ASH1L: variants seen among roughly 807,000 people sequenced by gnomAD.
ASH1L encodes ASH1 like histone lysine methyltransferase.
ASH1L carries 23 observed loss-of-function variants against 269.0 expected under a neutral mutation model. The observed-to-expected ratio is 0.09, with a 90% CI of 0.06 to 0.12. ASH1L has a LOEUF of 0.12. Among genes scored for constraint, ASH1L ranks in the 10% least tolerant of loss-of-function variants. ASH1L has a pLI of 1.00. For synonymous variants in ASH1L, 1,187 were observed against 1,253.5 expected, an observed-to-expected ratio of 0.95 and a Z score of 1.12; for missense variants, 2,912 against 3,567.8, an observed-to-expected ratio of 0.82 and a Z score of 4.68.
At chr1:155,402,633 A>T (rs1658946698) in intron 6 of ASH1L, among the ~76,000 whole-genome samples, 1 of 152,090 alleles carries the variant, frequency 6.6e-6, no homozygotes, top group Non-Finnish European at 1.5e-5. Context: ...TGCAGCCTTG[A>T]ACTCCTAAGG....
At chr1:155,519,599 A>T (rs1277695688) in intron 2 of ASH1L, among the ~76,000 whole-genome samples, 3 of 152,228 alleles carry the variant, frequency 2.0e-5, no homozygotes, top group African/African-American at 7.2e-5. Context: ...CAAATATTGT[A>T]TGATTACACC....
chr1:155,340,461 G>A (rs1474949423), intron 25 of ASH1L, among the ~76,000 whole-genome samples: 4 of 152,136 alleles, frequency 2.6e-5, no homozygotes, highest in African/African-American at 9.7e-5. Context: ...GATTACAGGT[G>A]TGAGCCACCG....
intron 1 of ASH1L, among the ~76,000 whole-genome samples, chr1:155,555,453 C>T (rs1007498092): frequency 3.5e-5 from 5 of 144,866 alleles, no homozygotes; most frequent in Non-Finnish European, 6.0e-5. Context: ...GCCGAGATTG[C>T]GCCACTGCAC....
intron 1 of ASH1L, among the ~76,000 whole-genome samples, chr1:155,551,133 ACT>A (rs1327881111): frequency 1.3e-5 from 2 of 150,780 alleles, no homozygotes; most frequent in African/African-American, 2.4e-5. Flanking sequence ...TATTTATTTG[ACT>A]CTTTTTTTGT....
At chr1:155,353,304 G>A (rs1469112355) in intron 16 of ASH1L, among the ~76,000 whole-genome samples, 1 of 152,214 alleles carries the variant, frequency 6.6e-6, no homozygotes, top group Non-Finnish European at 1.5e-5. Flanking sequence ...TGCCTGACAT[G>A]TAAGCACTCT....
chr1:155,410,454 C>T (rs767987417), intron 6 of ASH1L, among the ~76,000 whole-genome samples: 7 of 152,104 alleles, frequency 4.6e-5, no homozygotes, highest in Non-Finnish European at 1.0e-4. Context: ...CAGGTGCCTG[C>T]CACTGCGCCC....
chr1:155,400,033 T>G (rs1658697629), intron 6 of ASH1L, among the ~76,000 whole-genome samples: 1 of 152,186 alleles, frequency 6.6e-6, no homozygotes, highest in South Asian at 2.1e-4. Context: ...CAAAGGAATC[T>G]GGGTAGGGAA....
chr1:155,422,062 T>C (rs1367027868), intron 5 of ASH1L, among the ~76,000 whole-genome samples: 1 of 152,186 alleles, frequency 6.6e-6, no homozygotes. Context: ...ACTTTCCGCC[T>C]GTATGAATTT....
rs16836870 is a variant in ASH1L, at chr1:155,542,580, A to G, written c.-100+19573T>C. Among the ~76,000 whole-genome samples the G allele has an allele frequency of 7.2e-3, 1,101 of 151,966 alleles. 15 individuals are homozygous for G. Among genetic ancestry groups the G allele is most frequent in the African/African-American group, 0.025 (1,048 of 41,436 alleles). On this transcript the variant is annotated intron_variant, in intron 1 of 27. Transcript: ENST00000392403. ...ATAAATAAATAATTACATTTTGGCG[A>G]TGATTACAGCCTGTCAACTGAAGGC...
intron 5 of ASH1L, among the ~76,000 whole-genome samples, chr1:155,428,158 T>A (rs1476662762): frequency 5.3e-5 from 8 of 152,082 alleles, no homozygotes; most frequent in African/African-American, 1.7e-4. Flanking sequence ...ATGCCTTAAG[T>A]CTGGGTGCAG....
At chr1:155,516,746 A>G (rs976902065) in intron 2 of ASH1L, among the ~76,000 whole-genome samples, 1 of 152,150 alleles carries the variant, frequency 6.6e-6, no homozygotes, top group African/African-American at 2.4e-5. Flanking sequence ...CATGGGCAGC[A>G]AGACCCTGTC....
At chr1:155,346,678 C>A (rs984007711) in intron 20 of ASH1L, among the ~76,000 whole-genome samples, 1 of 152,186 alleles carries the variant, frequency 6.6e-6, no homozygotes, top group Non-Finnish European at 1.5e-5. Flanking sequence ...CCGATTGACT[C>A]ATAATCTATA....
intron 5 of ASH1L, among the ~76,000 whole-genome samples, chr1:155,437,909 C>T (rs1343180215): frequency 6.6e-6 from 1 of 152,214 alleles, no homozygotes; most frequent in Non-Finnish European, 1.5e-5. Context: ...GGTTGGAGTG[C>T]AGCGGTGCAA....
intron 1 of ASH1L, among the ~76,000 whole-genome samples, chr1:155,550,219 C>G (rs1251696896): frequency 6.6e-6 from 1 of 152,106 alleles, no homozygotes; most frequent in African/African-American, 2.4e-5. Flanking sequence ...GGGGTTTCAC[C>G]ATGTTGGTCA....
rs187257816 is a variant in ASH1L at position 155,444,007 on chromosome 1, G to A, written c.5087-4939C>T. ...TTTTTTTTTTTTTTTTTTTTGCGAC[G>A]GAGTCTCGCTCTGTCACTCAGGCTG... is the stretch of plus-strand genomic sequence containing the variant. On this transcript the variant is annotated intron_variant, in intron 4 of 27. Coordinates refer to ENST00000392403, the MANE Select transcript of ASH1L (RefSeq NM_018489.3). Among the ~76,000 whole-genome samples, 662 of 126,996 alleles carry A rather than the reference G, an allele frequency of 5.2e-3. 7 individuals are homozygous for A. The highest frequency in any genetic ancestry group is 0.021 in the African/African-American group (649 of 30,692). 83.3% of individuals were successfully genotyped at this position (126,996 alleles called of 152,430 possible). A position where few individuals can be genotyped will look rare whatever the true frequency, so the allele number is the denominator to read the frequency against.
chr1:155,363,203 G>A (rs11264365), intron 12 of ASH1L, among the ~76,000 whole-genome samples: 39,594 of 151,802 alleles, frequency 0.26, 5,928 homozygotes, highest in East Asian at 0.72. Context: ...GGCTGGTCTC[G>A]AACTCCTGAC....
intron 6 of ASH1L, among the ~76,000 whole-genome samples, chr1:155,400,158 T>C (rs1484363607): frequency 6.6e-6 from 1 of 151,890 alleles, no homozygotes; most frequent in African/African-American, 2.4e-5. Context: ...CCATCCTGGC[T>C]AACACGGTGA....
At chr1:155,503,761 A>G (rs1667650451) in intron 2 of ASH1L, among the ~76,000 whole-genome samples, 1 of 152,060 alleles carries the variant, frequency 6.6e-6, no homozygotes, top group Non-Finnish European at 1.5e-5. Context: ...TCATCTCTCT[A>G]TCACCTAGGC....
chr1:155,366,786 G>A (rs1655460235), intron 12 of ASH1L, among the ~76,000 whole-genome samples: 1 of 151,886 alleles, frequency 6.6e-6, no homozygotes, highest in South Asian at 2.1e-4. Flanking sequence ...CAATTCTCCT[G>A]CCCCAGCCTC....
Sources: allele counts gnomAD v4.1 joint callset (sites outside exome capture counted in the v4.1 genomes callset), GRCh38; gene constraint gnomAD v4.1.1; transcripts MANE v1.5; gene names NCBI Gene and HGNC (gene_info 2026-07-23, HGNC 2026-07-21).